Variants in RANBP2 observed in about 807,000 individuals in gnomAD.
RANBP2 encodes the protein E3 SUMO-protein ligase RanBP2.
RANBP2 carries 57 observed loss-of-function variants against 303.6 expected under a neutral mutation model. The observed-to-expected ratio is 0.19, with a 90% CI of 0.15 to 0.23. RANBP2 has a LOEUF of 0.23. Ranked by LOEUF, RANBP2 falls within the 10% of genes least tolerant of loss-of-function variation. The pLI is 1.00. For synonymous variants in RANBP2, 1,167 were observed against 1,301.5 expected (o/e 0.90, Z 2.23); for missense variants, 3,138 against 3,780.8 (o/e 0.83, Z 4.46).
intron 7 of RANBP2, among the ~76,000 whole-genome samples, chr2:108,743,721 C>G (rs1490278531): frequency 6.6e-6 from 1 of 152,204 alleles, no homozygotes; most frequent in African/African-American, 2.4e-5. Context: ...CATTCTTTCT[C>G]TGCTTTTAAA....
At chr2:108,782,042 T>C in intron 26 of RANBP2, 86 bp from the exon 27 acceptor site, 1 of 1,473,222 alleles carries the variant, frequency 6.8e-7, no homozygotes, top group Non-Finnish European at 9.3e-7. Flanking sequence ...ACAAAGAAAA[T>C]GCCTTAAAAG....
the RANBP2 span, among the ~76,000 whole-genome samples, chr2:109,408,192 C>T: frequency 6.6e-6 from 1 of 152,168 alleles, no homozygotes; most frequent in Non-Finnish European, 1.5e-5. Context: ...CGGTAGGCCC[C>T]ATGGGACCCA....
the RANBP2 span, among the ~76,000 whole-genome samples, chr2:109,029,992 A>G: frequency 6.6e-6 from 1 of 152,196 alleles, no homozygotes; most frequent in African/African-American, 2.4e-5. Context: ...TGATTCATTC[A>G]TTCAGTAAGC....
chr2:109,701,413 G>A, the RANBP2 span, among the ~76,000 whole-genome samples: 1 of 152,114 alleles, frequency 6.6e-6, no homozygotes, highest in African/African-American at 2.4e-5. Context: ...AGAGATACAT[G>A]AGACATCAAT....
the RANBP2 span, among the ~76,000 whole-genome samples, chr2:109,171,620 T>G: frequency 6.6e-6 from 1 of 152,228 alleles, no homozygotes; most frequent in Non-Finnish European, 1.5e-5. Flanking sequence ...CAGAGCTGCC[T>G]CTGAGACATT....
the RANBP2 span, among the ~76,000 whole-genome samples, chr2:109,242,961 G>A: frequency 6.6e-6 from 1 of 152,358 alleles, no homozygotes; most frequent in South Asian, 2.1e-4. Context: ...TCTGTGTGAG[G>A]CTGAGTCGGA....
the RANBP2 span, among the ~76,000 whole-genome samples, chr2:109,676,268 G>A: frequency 1.3e-5 from 2 of 152,198 alleles, no homozygotes; most frequent in Non-Finnish European, 2.9e-5. Context: ...CGGGCTCTCC[G>A]TTAGCACCTC....
At chr2:109,722,302 G>C in the RANBP2 span, among the ~76,000 whole-genome samples, 1 of 152,138 alleles carries the variant, frequency 6.6e-6, no homozygotes, top group Non-Finnish European at 1.5e-5. Context: ...AGACCTGCTG[G>C]CCACAGGCCA....
the RANBP2 span, among the ~76,000 whole-genome samples, chr2:108,987,817 A>G: frequency 1.3e-5 from 2 of 152,152 alleles, no homozygotes; most frequent in East Asian, 3.9e-4. Flanking sequence ...GACCAGAGTC[A>G]CTCTCTTTTT....
chr2:109,267,981 G>T, the RANBP2 span, among the ~76,000 whole-genome samples: 3 of 151,968 alleles, frequency 2.0e-5, no homozygotes, highest in Non-Finnish European at 4.4e-5. Context: ...TGCTGCAGTT[G>T]TGCGGGTGAA....
At chr2:109,196,172 CAGA>C in the RANBP2 span, among the ~76,000 whole-genome samples, 1 of 152,220 alleles carries the variant, frequency 6.6e-6, no homozygotes, top group Non-Finnish European at 1.5e-5. Context: ...TTGGCCATGG[CAGA>C]GCTGCAGCCT....
downstream of RANBP2, among the ~76,000 whole-genome samples, chr2:108,789,884 A>G (rs899306987): frequency 4.6e-5 from 7 of 152,242 alleles, no homozygotes; most frequent in Non-Finnish European, 7.3e-5. Flanking sequence ...AATGCTAAAA[A>G]TATGTGGCAG....
chr2:109,552,329 C>T, the RANBP2 span, among the ~76,000 whole-genome samples: 2 of 152,162 alleles, frequency 1.3e-5, no homozygotes, highest in African/African-American at 4.8e-5. Context: ...TACTTCACAG[C>T]CTTCACAGAT....
At chr2:109,583,517 G>T in the RANBP2 span, among the ~76,000 whole-genome samples, 1 of 152,190 alleles carries the variant, frequency 6.6e-6, no homozygotes, top group East Asian at 1.9e-4. Context: ...TAGAGAAAAG[G>T]AAATGCTTGT....
At chr2:108,729,398 C>A (rs1163147603) in intron 2 of RANBP2, among the ~76,000 whole-genome samples, 199 bp downstream of exon 2, 1 of 152,206 alleles carries the variant, frequency 6.6e-6, no homozygotes, top group Admixed American at 6.5e-5. Context: ...TTTCTGCATG[C>A]TGCTGCTTTA....
the RANBP2 span, among the ~76,000 whole-genome samples, chr2:109,546,575 A>G: frequency 6.8e-4 from 103 of 152,314 alleles, no homozygotes; most frequent in African/African-American, 2.0e-3. Context: ...CTCAATAAAA[A>G]TAAGAGATGC....
At chr2:109,294,837 G>A in the RANBP2 span, among the ~76,000 whole-genome samples, 2 of 152,198 alleles carry the variant, frequency 1.3e-5, no homozygotes, top group African/African-American at 4.8e-5. Context: ...CTGCCCCAGA[G>A]CTGGGCATCT....
At chr2:108,865,101 T>C in the RANBP2 span, among the ~76,000 whole-genome samples, 2 of 152,122 alleles carry the variant, frequency 1.3e-5, no homozygotes, top group Admixed American at 1.3e-4. Context: ...ATTTTTACTT[T>C]TTCCTTTTTA....
chr2:109,223,176 C>A, the RANBP2 span, among the ~76,000 whole-genome samples: 1 of 152,232 alleles, frequency 6.6e-6, no homozygotes, highest in African/African-American at 2.4e-5. Context: ...ATGGGTGCTG[C>A]TGCCACAGAT....
Sources: allele counts gnomAD v4.1 joint callset (sites outside exome capture counted in the v4.1 genomes callset), GRCh38; gene constraint gnomAD v4.1.1; transcripts MANE v1.5; gene names NCBI Gene and HGNC (gene_info 2026-07-23, HGNC 2026-07-21).